NTM: variants seen among roughly 807,000 people sequenced by gnomAD.
The protein encoded by NTM is neurotrimin.
Under a neutral mutation model 42.1 loss-of-function variants are expected in NTM, and 13 were observed. The observed-to-expected ratio is 0.31, with a 90% confidence interval of 0.20 to 0.49. NTM has a LOEUF of 0.49. Among genes scored for constraint, NTM ranks in the 20% least tolerant of loss-of-function variants. The probability of loss-of-function intolerance (pLI) is 0.99; values close to 1 mark genes in which losing one functional copy is unlikely to be tolerated. For synonymous variants in NTM, 187 were observed against 179.2 expected, an observed-to-expected ratio of 1.04 and a Z score of -0.35; for missense variants, 373 against 452.8, an observed-to-expected ratio of 0.82 and a Z score of 1.60.
chr11:131,752,973 A>T (rs1442111363), intron 1 of NTM, among the ~76,000 whole-genome samples: 1 of 152,104 alleles, frequency 6.6e-6, no homozygotes, highest in Non-Finnish European at 1.5e-5. Flanking sequence ...ATGGGAGAAA[A>T]TTTTCTCAAC....
intron 1 of NTM, among the ~76,000 whole-genome samples, chr11:131,457,426 C>T (rs935449108): frequency 2.6e-5 from 4 of 152,012 alleles, no homozygotes; most frequent in African/African-American, 9.7e-5. Flanking sequence ...AGCAGCAGGT[C>T]AGAGAGAGGC....
At chr11:132,322,114 C>T (rs1237493082) in intron 7 of NTM, among the ~76,000 whole-genome samples, 2 of 151,878 alleles carry the variant, frequency 1.3e-5, no homozygotes, top group Non-Finnish European at 2.9e-5. Flanking sequence ...GAAGAAACTG[C>T]ATCAACTAAC....
chr11:131,554,095 C>T (rs958849583), intron 1 of NTM, among the ~76,000 whole-genome samples: 3 of 152,188 alleles, frequency 2.0e-5, no homozygotes, highest in Non-Finnish European at 4.4e-5. Flanking sequence ...TAAGAGTTGA[C>T]TCTTCCCTCC....
intron 1 of NTM, among the ~76,000 whole-genome samples, chr11:131,845,361 G>A (rs2044765366): frequency 6.6e-6 from 1 of 152,032 alleles, no homozygotes; most frequent in Non-Finnish European, 1.5e-5. Context: ...GAATGGGGTT[G>A]GAGAAGAGCT....
chr11:132,326,050 G>A (rs545051320), intron 7 of NTM, among the ~76,000 whole-genome samples: 2 of 152,116 alleles, frequency 1.3e-5, no homozygotes, highest in Admixed American at 6.5e-5. Flanking sequence ...ATAGCATTAG[G>A]ATATATACCT....
At chr11:132,228,097 A>G (rs1024821297) in intron 4 of NTM, among the ~76,000 whole-genome samples, 13 of 152,290 alleles carry the variant, frequency 8.5e-5, no homozygotes, top group Admixed American at 5.2e-4. Flanking sequence ...CACACACAAG[A>G]AGTCCCCTCC....
intron 1 of NTM, among the ~76,000 whole-genome samples, chr11:131,733,669 G>A (rs1322858891): frequency 1.3e-5 from 2 of 152,220 alleles, no homozygotes; most frequent in East Asian, 3.9e-4. Context: ...CCAAGTGGCT[G>A]GGATTACAGG....
At chr11:131,371,873 AG>A (rs1310302233) in intron 1 of NTM, among the ~76,000 whole-genome samples, 6 of 152,186 alleles carry the variant, frequency 3.9e-5, no homozygotes, top group Admixed American at 1.3e-4. Flanking sequence ...AAACTTTCCC[AG>A]GGTGGCCCAG....
intron 1 of NTM, among the ~76,000 whole-genome samples, chr11:131,828,589 G>A (rs995370295): frequency 2.6e-5 from 4 of 151,842 alleles, no homozygotes; most frequent in Non-Finnish European, 5.9e-5. Context: ...CAGTCATCAC[G>A]AACATCATCA....
intron 2 of NTM, among the ~76,000 whole-genome samples, chr11:132,145,957 A>T (rs1368147407): frequency 1.3e-5 from 2 of 152,194 alleles, no homozygotes; most frequent in African/African-American, 4.8e-5. Flanking sequence ...CATCACCCAA[A>T]TCCTTGAGCA....
intron 1 of NTM, among the ~76,000 whole-genome samples, chr11:131,676,623 A>G (rs181512429): frequency 6.6e-6 from 1 of 152,366 alleles, no homozygotes; most frequent in East Asian, 1.9e-4. Flanking sequence ...AAATGTTTTA[A>G]CATGGGCCTT....
At chr11:132,192,996 C>T (rs941223719) in intron 3 of NTM, among the ~76,000 whole-genome samples, 9 of 151,420 alleles carry the variant, frequency 5.9e-5, no homozygotes, top group African/African-American at 9.7e-5. Context: ...CATCCAGATT[C>T]ATAAAACAAC....
chr11:132,335,379 CT>C lies in NTM; in HGVS notation c.*237del, dbSNP rs1592113787. 1.8e-5 allele frequency: 9 copies of C among 502,812 alleles called. No individual in the cohort carries two copies. The East Asian group carries it at 3.4e-4, about 19-fold the overall frequency. The allele number at this position is 502,812 out of a possible 1,614,324, so 31.1% of individuals were successfully genotyped here. On this transcript the variant is annotated 3_prime_UTR_variant, in exon 9 of 9. Transcript: ENST00000683400. ...AGATATTTAGGTACAATGGAGTTTT[CT>C]TTTCCCAAACGGGAAGAACACAGCA...
intron 1 of NTM, among the ~76,000 whole-genome samples, chr11:131,646,704 C>T (rs572675060): frequency 1.3e-5 from 2 of 152,014 alleles, no homozygotes; most frequent in Admixed American, 6.6e-5. Flanking sequence ...ATGTAATAAC[C>T]GTCAGATACC....
At chr11:131,575,514 A>G (rs1207637037) in intron 1 of NTM, among the ~76,000 whole-genome samples, 2 of 151,950 alleles carry the variant, frequency 1.3e-5, no homozygotes, top group South Asian at 2.1e-4. Flanking sequence ...GAAGTGGCAC[A>G]GTCTAACTGA....
chr11:132,245,596 T>C (rs953400620), intron 4 of NTM, among the ~76,000 whole-genome samples: 6 of 152,028 alleles, frequency 3.9e-5, no homozygotes, highest in African/African-American at 1.4e-4. Flanking sequence ...GTGACAGCAA[T>C]TAGGAGAGCC....
At chr11:132,049,633 C>G (rs2078562970) in intron 2 of NTM, among the ~76,000 whole-genome samples, 1 of 152,172 alleles carries the variant, frequency 6.6e-6, no homozygotes, top group Non-Finnish European at 1.5e-5. Context: ...GCTCCATCAC[C>G]CTCACCTGGG....
chr11:132,182,691 C>T (rs938476751), intron 3 of NTM, among the ~76,000 whole-genome samples: 7 of 152,178 alleles, frequency 4.6e-5, no homozygotes, highest in Non-Finnish European at 1.0e-4. Context: ...TGCATTGCTG[C>T]CAGCATTATC....
At chr11:131,963,146 G>T (rs1386300946) in intron 2 of NTM, among the ~76,000 whole-genome samples, 1 of 152,100 alleles carries the variant, frequency 6.6e-6, no homozygotes, top group East Asian at 1.9e-4. Flanking sequence ...GAGACTCCTG[G>T]GTCCTAGGCA....
Sources: allele counts gnomAD v4.1 joint callset (sites outside exome capture counted in the v4.1 genomes callset), GRCh38; gene constraint gnomAD v4.1.1; transcripts MANE v1.5; gene names NCBI Gene and HGNC (gene_info 2026-07-23, HGNC 2026-07-21).